Variants in CAMSAP2 observed in about 807,000 individuals in gnomAD.
The protein encoded by CAMSAP2 is calmodulin regulated spectrin associated protein family member 2.
CAMSAP2 carries 26 observed loss-of-function variants against 146.1 expected under a neutral mutation model. The ratio of observed to expected loss-of-function variants is 0.18; its 90% confidence interval spans 0.13 to 0.25. The LOEUF (loss-of-function observed/expected upper bound fraction) is 0.25, where lower values mean the gene tolerates loss of function less well. CAMSAP2 is among the 10% of genes least tolerant of loss of function. The probability of loss-of-function intolerance (pLI) is 1.00; values close to 1 mark genes in which losing one functional copy is unlikely to be tolerated. For missense variants in CAMSAP2, 1,381 were observed against 1,759.3 expected (o/e 0.78, Z 3.85); for synonymous variants, 499 against 596.6 (o/e 0.84, Z 2.38).
intron 2 of CAMSAP2, among the ~76,000 whole-genome samples, chr1:200,773,772 G>A (rs894437419): frequency 6.6e-6 from 1 of 151,948 alleles, no homozygotes. Flanking sequence ...TGTAATCTCA[G>A]TACTTTGGGA....
At chr1:200,817,188 ACAT>A (rs1666603165) in intron 4 of CAMSAP2, among the ~76,000 whole-genome samples, 1 of 81,322 alleles carries the variant, frequency 1.2e-5, no homozygotes, top group African/African-American at 6.4e-5. Context: ...ACACACACAC[ACAT>A]GTGTGTGTGT....
At position 200,738,964 on chromosome 1, in the gene CAMSAP2, G is replaced by C. The variant is rs1041727689; in HGVS notation, c.-864G>C. On this transcript the variant is annotated 5_prime_UTR_variant, in exon 1 of 17. Transcript: ENST00000358823. ...CAGCGGCGGCGGCGGCGGCTGAGGGGGAACGATCCAGCGAGCTGCAGAAAG... is the reference window on the plus strand; with the variant it reads ...CAGCGGCGGCGGCGGCGGCTGAGGGCGAACGATCCAGCGAGCTGCAGAAAG... Among the ~76,000 whole-genome samples, 5 of 151,872 alleles carry C rather than the reference G, an allele frequency of 3.3e-5. No individual in the cohort carries two copies. The South Asian group carries it at 8.3e-4, about 25-fold the overall frequency.
At chr1:200,822,759 G>A (rs2102195255) in intron 4 of CAMSAP2, among the ~76,000 whole-genome samples, 2 of 152,310 alleles carry the variant, frequency 1.3e-5, no homozygotes, top group South Asian at 4.2e-4. Flanking sequence ...ATACAGCAAT[G>A]GGCAGGTAGC....
chr1:200,748,453 ATTTG>A (rs1452232269), intron 1 of CAMSAP2, among the ~76,000 whole-genome samples: 1 of 151,874 alleles, frequency 6.6e-6, no homozygotes, highest in Admixed American at 6.6e-5. Context: ...TTACAGTTTT[ATTTG>A]TTCTAGTTAG....
chr1:200,791,487 C>T (rs1665750301), intron 2 of CAMSAP2, among the ~76,000 whole-genome samples: 1 of 152,138 alleles, frequency 6.6e-6, no homozygotes, highest in Non-Finnish European at 1.5e-5. Flanking sequence ...ATTTGTATAA[C>T]TGCTTGCTAT....
intron 4 of CAMSAP2, among the ~76,000 whole-genome samples, chr1:200,830,468 C>G (rs553813987): frequency 6.6e-6 from 1 of 152,204 alleles, no homozygotes; most frequent in African/African-American, 2.4e-5. Context: ...AGGCTGAAAA[C>G]AAACTACTAG....
At chr1:200,835,250 G>A (rs898041226) in intron 6 of CAMSAP2, among the ~76,000 whole-genome samples, 1 of 152,186 alleles carries the variant, frequency 6.6e-6, no homozygotes, top group African/African-American at 2.4e-5. Context: ...ATGCAAGTGT[G>A]TAAAAGTTAT....
intron 6 of CAMSAP2, among the ~76,000 whole-genome samples, chr1:200,837,589 GT>G (rs1295766111): frequency 6.6e-6 from 1 of 151,918 alleles, no homozygotes; most frequent in Non-Finnish European, 1.5e-5. Context: ...TTTTAAAATA[GT>G]TTTTTTTAGT....
intron 2 of CAMSAP2, among the ~76,000 whole-genome samples, chr1:200,785,123 T>C (rs1406219179): frequency 6.6e-6 from 1 of 152,170 alleles, no homozygotes; most frequent in Non-Finnish European, 1.5e-5. Flanking sequence ...CACGGTAAAT[T>C]ATCTCTTTTA....
At chr1:200,806,763 GTGTATCTATCTATC>G (rs1333583133) in intron 2 of CAMSAP2, among the ~76,000 whole-genome samples, 39 of 117,728 alleles carry the variant, frequency 3.3e-4, no homozygotes, top group East Asian at 7.4e-4. Context: ...GTGTGTGTGT[GTGTATCTATCTATC>G]TATCTATCTA....
intron 15 of CAMSAP2, among the ~76,000 whole-genome samples, chr1:200,856,908 CTA>C (rs1667764454): frequency 6.6e-6 from 1 of 152,128 alleles, no homozygotes; most frequent in Non-Finnish European, 1.5e-5. Context: ...CTCTGCTTCT[CTA>C]TGTTAGTTCA....
At chr1:200,745,678 G>A (rs1366143837) in intron 1 of CAMSAP2, among the ~76,000 whole-genome samples, 1 of 152,152 alleles carries the variant, frequency 6.6e-6, no homozygotes, top group Non-Finnish European at 1.5e-5. Context: ...TTGCCATGTT[G>A]GCCTGGCTGG....
intron 1 of CAMSAP2, among the ~76,000 whole-genome samples, chr1:200,758,424 C>T (rs1664705290): frequency 1.3e-5 from 2 of 152,278 alleles, no homozygotes; most frequent in African/African-American, 2.4e-5. Context: ...TAAATGAATA[C>T]CAGCACTATA....
At position 200,739,744 on chromosome 1, in the gene CAMSAP2, C is replaced by A; in HGVS notation, c.-84C>A. On this transcript the variant is annotated 5_prime_UTR_variant, in exon 1 of 17. Coordinates refer to ENST00000358823, the MANE Select transcript of CAMSAP2 (RefSeq NM_203459.4). This position sits in a 1 kb window ranked among gnomAD's most constrained non-coding sequence, Gnocchi z 4.8. ...GGGCCCCGATGGTTTGAGCTTGCTT[C>A]TCCCTCCCTCCCGACCCCCGTGGTG... 4 of 1,360,716 alleles carry A rather than the reference C, an allele frequency of 2.9e-6. No homozygotes were observed. Among genetic ancestry groups the A allele is most frequent in the Non-Finnish European group, 4.0e-6 (4 of 1,007,624 alleles). 84.3% of individuals were successfully genotyped at this position (1,360,716 alleles called of 1,614,324 possible).
In CAMSAP2 at chr1:200,858,071, T is replaced by C. The variant is rs1463886200; in HGVS notation, c.*12T>C. 2 of 1,545,266 alleles carry C rather than the reference T, an allele frequency of 1.3e-6. No homozygotes were observed. ...CCACTAAGGCATAGAAGTTGGGAAA[T>C]ACTTGCTTCAGAACATTCATGGTAA... On this transcript the variant is annotated 3_prime_UTR_variant, in exon 17 of 17. Coordinates refer to ENST00000358823, the MANE Select transcript of CAMSAP2 (RefSeq NM_203459.4).
At position 200,843,859 on chromosome 1, in the gene CAMSAP2, T is replaced by TTTTTG. The variant is rs557690558; in HGVS notation, c.1022-898_1022-894dup. On this transcript the variant is annotated intron_variant, in intron 7 of 16. Transcript: ENST00000358823. ...TTTTTGTTTTTTTTTTGTTTGTTTG[T>TTTTTG]TTTTGTTTTGTTTTGTTTTGTTTTG... 4.5e-4 allele frequency among the ~76,000 whole-genome samples: 69 copies of TTTTTG among 151,760 alleles called. 1 individual carries two copies. In the South Asian group the frequency reaches 6.5e-3, roughly 14 times the overall value.
At chr1:200,752,581 A>G (rs60713083) in intron 1 of CAMSAP2, among the ~76,000 whole-genome samples, 413 of 151,542 alleles carry the variant, frequency 2.7e-3, no homozygotes, top group African/African-American at 9.2e-3. Context: ...TTTATTTCCC[A>G]ATTCAGGATC....
At chr1:200,843,284 C>A (rs1380188437) in intron 7 of CAMSAP2, among the ~76,000 whole-genome samples, 2 of 152,096 alleles carry the variant, frequency 1.3e-5, no homozygotes, top group East Asian at 3.8e-4. Flanking sequence ...ACATATGTAG[C>A]CAAAGGGGAG....
chr1:200,819,942 AC>A (rs1214923362), intron 4 of CAMSAP2, among the ~76,000 whole-genome samples: 1 of 152,204 alleles, frequency 6.6e-6, no homozygotes, highest in Non-Finnish European at 1.5e-5. Context: ...AAGTGAAGTC[AC>A]ATGTGGGAAT....
Sources: gnomAD v4.1 joint callset for allele counts (sites outside exome capture counted in the v4.1 genomes callset) on GRCh38, gnomAD v4.1.1 for gene constraint, Gnocchi (gnomAD v3.1) non-coding constraint, MANE v1.5 for transcripts, NCBI Gene and HGNC (gene_info 2026-07-23, HGNC 2026-07-21) for gene names.